SDK1: variants seen among roughly 807,000 people sequenced by gnomAD.
SDK1 encodes the protein sidekick cell adhesion molecule 1.
Under a neutral mutation model 245.5 loss-of-function variants are expected in SDK1, and 157 were observed. The observed-to-expected ratio is 0.64, with a 90% confidence interval of 0.56 to 0.73. SDK1 has a LOEUF of 0.73. Among genes scored for constraint, SDK1 ranks in the 30% least tolerant of loss-of-function variants. The probability of loss-of-function intolerance (pLI) is 0.00; values close to 1 mark genes in which losing one functional copy is unlikely to be tolerated. For missense variants in SDK1, 3,583 were observed against 3,002.3 expected, an observed-to-expected ratio of 1.19 and a Z score of -4.52; for synonymous variants, 1,647 against 1,278.5, an observed-to-expected ratio of 1.29 and a Z score of -6.15.
intron 4 of SDK1, among the ~76,000 whole-genome samples, chr7:3,675,994 C>T (rs1389418148): frequency 6.6e-6 from 1 of 152,124 alleles, no homozygotes; most frequent in Non-Finnish European, 1.5e-5. Context: ...TGTAGGTTGT[C>T]TGTTTGCTCT....
chr7:3,593,820 C>T (rs1221897414), intron 1 of SDK1, among the ~76,000 whole-genome samples: 2 of 152,000 alleles, frequency 1.3e-5, no homozygotes, highest in African/African-American at 4.8e-5. Context: ...GGCTTTGCCA[C>T]TTCGCAGCTC....
rs373447201 is a variant in SDK1 at position 3,622,655 on chromosome 7, G to C, written c.458+3416G>C. Among the ~76,000 whole-genome samples, 17 of 152,266 alleles carry C rather than the reference G, an allele frequency of 1.1e-4. No homozygotes were observed. The South Asian group carries it at 3.5e-3, about 32-fold the overall frequency. On this transcript the variant is annotated intron_variant, in intron 2 of 44. Coordinates refer to ENST00000404826, the MANE Select transcript of SDK1 (RefSeq NM_152744.4). ...CTTAAGAGCCCTTGCATATGTATTT[G>C]TTCATTGGAAACACAAGAAGACAAA...
intron 5 of SDK1, among the ~76,000 whole-genome samples, chr7:3,832,677 G>C (rs1455223550): frequency 6.6e-6 from 1 of 152,134 alleles, no homozygotes; most frequent in African/African-American, 2.4e-5. Flanking sequence ...GAAATAATAG[G>C]AACCAGAAAT....
intron 1 of SDK1, among the ~76,000 whole-genome samples, chr7:3,433,168 T>G (rs1428038664): frequency 6.6e-6 from 1 of 152,178 alleles, no homozygotes; most frequent in Non-Finnish European, 1.5e-5. Flanking sequence ...CAAGTCCAAG[T>G]GAAACCAGAT....
At chr7:4,081,850 T>C (rs974130251) in intron 22 of SDK1, among the ~76,000 whole-genome samples, 2 of 152,144 alleles carry the variant, frequency 1.3e-5, no homozygotes, top group African/African-American at 4.8e-5. Flanking sequence ...CCATCCCTGG[T>C]TTTTTATTGG....
intron 38 of SDK1, among the ~76,000 whole-genome samples, chr7:4,214,928 A>G (rs1248606186): frequency 6.6e-6 from 1 of 152,180 alleles, no homozygotes; most frequent in Non-Finnish European, 1.5e-5. Context: ...GAGTCTGGCT[A>G]TAGGTTCCAG....
chr7:4,011,494 C>T (rs1038658188), intron 15 of SDK1, among the ~76,000 whole-genome samples: 3 of 152,212 alleles, frequency 2.0e-5, no homozygotes, highest in African/African-American at 7.2e-5. Context: ...CAACACCTAG[C>T]ATGCTGTTAA....
chr7:3,344,446 G>C (rs749899271), intron 1 of SDK1, among the ~76,000 whole-genome samples: 5 of 152,156 alleles, frequency 3.3e-5, no homozygotes, highest in Non-Finnish European at 5.9e-5. Context: ...AGTAGTGGCA[G>C]TTATTAGCTT....
rs1159856321 is a variant in SDK1 at position 4,074,856 on chromosome 7, T to TTCTCTCTCTCTC, written c.3011-2124_3011-2113dup. The stretch of plus-strand genomic sequence containing the variant: ...CCAGCCTGGGCAACAGAGCAAGACT[T>TTCTCTCTCTCTC]TCTCTCTCTCTCTCTCTCTCTCTCT... On this transcript the variant is annotated intron_variant, in intron 20 of 44. Transcript: ENST00000404826. Among the ~76,000 whole-genome samples the TTCTCTCTCTCTC allele has an allele frequency of 5.5e-5, 4 of 72,344 alleles. 1 individual carries two copies. The highest frequency in any genetic ancestry group is 3.8e-4 in the African/African-American group (4 of 10,536). The allele number at this position is 72,344 out of a possible 152,430, so 47.5% of individuals were successfully genotyped here.
chr7:3,784,831 T>C (rs1780851029), intron 4 of SDK1, among the ~76,000 whole-genome samples: 1 of 152,252 alleles, frequency 6.6e-6, no homozygotes, highest in Admixed American at 6.5e-5. Context: ...AACTGCCATA[T>C]GATCTGGCAA....
At chr7:3,504,232 A>G (rs866129981) in intron 1 of SDK1, among the ~76,000 whole-genome samples, 3 of 130,378 alleles carry the variant, frequency 2.3e-5, no homozygotes, top group African/African-American at 5.5e-5. Context: ...CACAATTCAT[A>G]TCAAAATCCC....
chr7:4,088,528 T>C (rs1268635400), intron 22 of SDK1, among the ~76,000 whole-genome samples: 1 of 151,792 alleles, frequency 6.6e-6, no homozygotes, highest in Non-Finnish European at 1.5e-5. Flanking sequence ...AGATGATTCT[T>C]TTCTGATCCT....
chr7:3,550,172 C>T (rs918877733), intron 1 of SDK1, among the ~76,000 whole-genome samples: 1 of 152,032 alleles, frequency 6.6e-6, no homozygotes, highest in African/African-American at 2.4e-5. Flanking sequence ...CTCAAATTTA[C>T]ATATGTATAT....
intron 14 of SDK1, among the ~76,000 whole-genome samples, chr7:3,992,839 C>T (rs1262285526): frequency 6.6e-6 from 1 of 152,134 alleles, no homozygotes; most frequent in Non-Finnish European, 1.5e-5. Flanking sequence ...TATAGTAGTG[C>T]ACTTTGAGTA....
chr7:3,549,847 T>C (rs1379399349), intron 1 of SDK1, among the ~76,000 whole-genome samples: 2 of 151,886 alleles, frequency 1.3e-5, no homozygotes, highest in Non-Finnish European at 2.9e-5. Flanking sequence ...GACCTTTTTT[T>C]CCCATAGGCA....
chr7:3,604,094 A>G (rs1781337863), intron 1 of SDK1, among the ~76,000 whole-genome samples: 1 of 152,194 alleles, frequency 6.6e-6, no homozygotes, highest in South Asian at 2.1e-4. Context: ...CCAGTATTTT[A>G]TTGAGGATTT....
intron 1 of SDK1, among the ~76,000 whole-genome samples, chr7:3,345,329 T>C (rs924070508): frequency 5.3e-5 from 8 of 152,190 alleles, no homozygotes; most frequent in Admixed American, 3.3e-4. Flanking sequence ...ACATGACATA[T>C]GTTAGGAAAC....
At chr7:4,117,244 G>T (rs1405269130) in intron 25 of SDK1, among the ~76,000 whole-genome samples, 2 of 152,200 alleles carry the variant, frequency 1.3e-5, no homozygotes, top group Non-Finnish European at 2.9e-5. Context: ...GAGTCTGGAG[G>T]ATAGCTTGAG....
chr7:4,107,366 C>T (rs1783004989), intron 22 of SDK1, among the ~76,000 whole-genome samples: 1 of 152,164 alleles, frequency 6.6e-6, no homozygotes, highest in Non-Finnish European at 1.5e-5. Flanking sequence ...GCACCGTGAG[C>T]TACGCACGTG....
Sources: gnomAD v4.1 joint callset for allele counts (sites outside exome capture counted in the v4.1 genomes callset) on GRCh38, gnomAD v4.1.1 for gene constraint, MANE v1.5 for transcripts, NCBI Gene and HGNC (gene_info 2026-07-23, HGNC 2026-07-21) for gene names.